The following NAV3 variants were observed in gnomAD, a reference collection of about 807,000 sequenced individuals.
The protein encoded by NAV3 is pore membrane and/or filament interacting like protein 1.
Under a neutral mutation model 244.7 loss-of-function variants are expected in NAV3, and 87 were observed. That is an observed-to-expected ratio of 0.36 (90% CI 0.30 to 0.42). NAV3 has a LOEUF of 0.42. Among genes scored for constraint, NAV3 ranks in the 20% least tolerant of loss-of-function variants. The pLI, the probability that NAV3 is intolerant of heterozygous loss-of-function variation, is 1.00. For synonymous variants in NAV3, 1,126 were observed against 1,042.2 expected (o/e 1.08, Z -1.55); for missense variants, 2,663 against 2,893.3 (o/e 0.92, Z 1.83).
chr12:77,843,874 T>C (rs759633335), intron 1 of NAV3, among the ~76,000 whole-genome samples: 8 of 151,326 alleles, frequency 5.3e-5, no homozygotes, highest in Admixed American at 1.3e-4. Context: ...ACATACAAAA[T>C]ATATAAAATT....
At chr12:78,184,910 A>G (rs1016529365) in intron 30 of NAV3, among the ~76,000 whole-genome samples, 1 of 151,822 alleles carries the variant, frequency 6.6e-6, no homozygotes, top group Non-Finnish European at 1.5e-5. Context: ...GGTATAATAT[A>G]TTTTGAAAGT....
At chr12:78,151,063 T>A (rs1191566530) in intron 22 of NAV3, among the ~76,000 whole-genome samples, 3 of 150,802 alleles carry the variant, frequency 2.0e-5, no homozygotes, top group South Asian at 2.1e-4. Flanking sequence ...AACAATCATT[T>A]AAAAAAAAAT....
intron 3 of NAV3, among the ~76,000 whole-genome samples, chr12:77,943,338 G>T (rs1347197888): frequency 6.6e-6 from 1 of 152,120 alleles, no homozygotes; most frequent in Non-Finnish European, 1.5e-5. Flanking sequence ...TATAAAAAAG[G>T]TAGTTTATTC....
chr12:77,835,356 C>T (rs1041333516), intron 1 of NAV3, among the ~76,000 whole-genome samples: 19 of 152,142 alleles, frequency 1.2e-4, no homozygotes, highest in African/African-American at 3.9e-4. Context: ...CCACAATAGA[C>T]GACTGTCATT....
intron 2 of NAV3, among the ~76,000 whole-genome samples, chr12:77,686,928 C>A (rs866787360): frequency 6.6e-6 from 1 of 151,718 alleles, no homozygotes; most frequent in Non-Finnish European, 1.5e-5. Context: ...ACAAAACAAG[C>A]CTAAACATGT....
At chr12:77,923,015 A>G (rs150462309) in intron 1 of NAV3, among the ~76,000 whole-genome samples, 2 of 151,956 alleles carry the variant, frequency 1.3e-5, no homozygotes, top group Non-Finnish European at 2.9e-5. Flanking sequence ...ATTTTACTCT[A>G]CAAGTATCAC....
intron 5 of NAV3, among the ~76,000 whole-genome samples, chr12:77,992,364 A>G (rs1475898200): frequency 6.6e-6 from 1 of 152,230 alleles, no homozygotes; most frequent in Non-Finnish European, 1.5e-5. Flanking sequence ...TAGATATTTA[A>G]TTAGTATGAC....
intron 23 of NAV3, among the ~76,000 whole-genome samples, chr12:78,161,660 C>T (rs537526874): frequency 1.6e-4 from 24 of 152,148 alleles, no homozygotes; most frequent in African/African-American, 4.8e-4. Flanking sequence ...AAAATTTTCT[C>T]AGAAGATATC....
chr12:77,594,332 A>T (rs1870069200), intron 2 of NAV3, among the ~76,000 whole-genome samples: 2 of 152,158 alleles, frequency 1.3e-5, no homozygotes, highest in Non-Finnish European at 2.9e-5. Flanking sequence ...AAAAAAGATC[A>T]GTTTAGCCCT....
intron 2 of NAV3, among the ~76,000 whole-genome samples, chr12:77,632,801 T>A (rs1004632097): frequency 6.6e-6 from 1 of 152,092 alleles, no homozygotes; most frequent in African/African-American, 2.4e-5. Flanking sequence ...TATATGTATA[T>A]TGATTTTTAA....
At chr12:77,908,130 G>T (rs892034478) in intron 1 of NAV3, among the ~76,000 whole-genome samples, 5 of 152,000 alleles carry the variant, frequency 3.3e-5, no homozygotes, top group Non-Finnish European at 7.4e-5. Flanking sequence ...ATGAGCTGTT[G>T]TATGTAAGTA....
At chr12:77,866,347 G>A (rs527574438) in intron 1 of NAV3, among the ~76,000 whole-genome samples, 2 of 152,298 alleles carry the variant, frequency 1.3e-5, no homozygotes, top group Non-Finnish European at 2.9e-5. Context: ...ATACAAGAAT[G>A]CAGTTTTTAA....
chr12:77,876,845 T>C (rs960896100), intron 1 of NAV3, among the ~76,000 whole-genome samples: 3 of 152,096 alleles, frequency 2.0e-5, no homozygotes, highest in Non-Finnish European at 4.4e-5. Flanking sequence ...TTTTTCTGCT[T>C]TTTATGTTTC....
intron 12 of NAV3, among the ~76,000 whole-genome samples, chr12:78,086,107 G>A (rs1456005636): frequency 2.0e-5 from 3 of 152,002 alleles, no homozygotes. Context: ...TAACACTGGC[G>A]TTTACCCGTG....
chr12:77,650,246 T>C (rs900418607), intron 2 of NAV3, among the ~76,000 whole-genome samples: 3 of 152,200 alleles, frequency 2.0e-5, no homozygotes, highest in Non-Finnish European at 4.4e-5. Flanking sequence ...AATTTCTTGT[T>C]TTAATATCTT....
intron 2 of NAV3, among the ~76,000 whole-genome samples, chr12:77,665,361 C>T (rs1256143162): frequency 6.6e-6 from 1 of 152,182 alleles, no homozygotes; most frequent in East Asian, 1.9e-4. Context: ...ATTTAGCCAG[C>T]ATCACAGAAT....
chr12:77,830,065 T>C (rs768251805), upstream of NAV3, among the ~76,000 whole-genome samples: 12 of 152,198 alleles, frequency 7.9e-5, no homozygotes, highest in Non-Finnish European at 1.6e-4. Flanking sequence ...TAATGCATGG[T>C]ACATTAGATG....
chr12:77,730,903 C>G (rs1000916680), intron 2 of NAV3, among the ~76,000 whole-genome samples: 1 of 150,898 alleles, frequency 6.6e-6, no homozygotes, highest in Non-Finnish European at 1.5e-5. Context: ...AATAGAAGTA[C>G]TAGAAGCTAG....
chr12:77,739,413 G>A (rs1024533092), intron 2 of NAV3, among the ~76,000 whole-genome samples: 3 of 152,068 alleles, frequency 2.0e-5, no homozygotes, highest in Non-Finnish European at 4.4e-5. Context: ...TACTTAGTTA[G>A]TATGTTTCTT....
Sources: allele counts gnomAD v4.1 joint callset (sites outside exome capture counted in the v4.1 genomes callset), GRCh38; gene constraint gnomAD v4.1.1; transcripts MANE v1.5; gene names NCBI Gene and HGNC (gene_info 2026-07-23, HGNC 2026-07-21).